FAM13A: variants seen among roughly 807,000 people sequenced by gnomAD.
The protein encoded by FAM13A is family with sequence similarity 13 member A, also known as protein FAM13A.
FAM13A carries 76 observed loss-of-function variants against 129.6 expected under a neutral mutation model. The observed-to-expected ratio is 0.59, with a 90% CI of 0.49 to 0.71. The LOEUF (loss-of-function observed/expected upper bound fraction) is 0.71, where lower values mean the gene tolerates loss of function less well. Ranked by LOEUF, FAM13A falls within the 30% of genes least tolerant of loss-of-function variation. The pLI is 0.00. For missense variants in FAM13A, 1,108 were observed against 1,249.3 expected, an observed-to-expected ratio of 0.89 and a Z score of 1.70; for synonymous variants, 443 against 449.9, an observed-to-expected ratio of 0.98 and a Z score of 0.20.
At chr4:88,847,973 A>G (rs1736958622) in intron 7 of FAM13A, among the ~76,000 whole-genome samples, 1 of 152,052 alleles carries the variant, frequency 6.6e-6, no homozygotes, top group Non-Finnish European at 1.5e-5. Flanking sequence ...AAAATTACAT[A>G]AACCACAAAC....
At chr4:88,995,222 T>C (rs1763401829) in intron 3 of FAM13A, among the ~76,000 whole-genome samples, 2 of 150,334 alleles carry the variant, frequency 1.3e-5, no homozygotes, top group South Asian at 2.1e-4. Flanking sequence ...ACACACTTTC[T>C]ATGTGTCTAA....
intron 3 of FAM13A, among the ~76,000 whole-genome samples, chr4:88,996,034 A>G (rs1237567986): frequency 6.6e-6 from 1 of 152,188 alleles, no homozygotes; most frequent in African/African-American, 2.4e-5. Flanking sequence ...CAGAGCTGAA[A>G]TAAATAAGGA....
intron 6 of FAM13A, among the ~76,000 whole-genome samples, chr4:88,872,084 C>G (rs1489526119): frequency 1.3e-5 from 2 of 152,156 alleles, no homozygotes; most frequent in South Asian, 2.1e-4. Context: ...ACTCTACAGA[C>G]AAGCAAAGGC....
At chr4:88,963,276 T>C (rs1376940536) in intron 4 of FAM13A, among the ~76,000 whole-genome samples, 2 of 152,028 alleles carry the variant, frequency 1.3e-5, no homozygotes, top group African/African-American at 2.4e-5. Context: ...CAAAGAGAGA[T>C]TACTAAGAGT....
At chr4:88,831,191 TG>T (rs1275486262) in intron 7 of FAM13A, among the ~76,000 whole-genome samples, 7 of 152,318 alleles carry the variant, frequency 4.6e-5, no homozygotes, top group African/African-American at 1.7e-4. Flanking sequence ...TTTCCTGGAA[TG>T]GGACTCTCTG....
intron 4 of FAM13A, among the ~76,000 whole-genome samples, chr4:88,944,878 C>T (rs1000143350): frequency 6.0e-5 from 9 of 149,634 alleles, no homozygotes; most frequent in South Asian, 2.1e-4. Flanking sequence ...ACTCCAGCCT[C>T]GGCAACAAGA....
intron 1 of FAM13A, among the ~76,000 whole-genome samples, chr4:89,043,201 T>A (rs1479993959): frequency 6.6e-6 from 1 of 152,152 alleles, no homozygotes; most frequent in Non-Finnish European, 1.5e-5. Context: ...CTCAGCTGAT[T>A]AGAGAAGAGG....
chr4:88,879,709 G>A (rs1743206635), intron 6 of FAM13A, among the ~76,000 whole-genome samples: 1 of 152,156 alleles, frequency 6.6e-6, no homozygotes, highest in South Asian at 2.1e-4. Context: ...TTACTGCAAG[G>A]TCCTACAGAA....
chr4:88,876,726 G>C (rs1233726241), intron 6 of FAM13A, among the ~76,000 whole-genome samples: 1 of 152,002 alleles, frequency 6.6e-6, no homozygotes, highest in Non-Finnish European at 1.5e-5. Flanking sequence ...CAAGTAGCTG[G>C]GACTACAGGT....
In FAM13A at chr4:88,758,832, C is replaced by T. The variant is rs200908169; in HGVS notation, c.1648G>A (p.Gly550Ser). 5.8e-5 allele frequency: 93 copies of T among 1,614,010 alleles called. 1 individual carries two copies. In the East Asian group the frequency reaches 1.7e-3, roughly 29 times the overall value. ...DTKQQRNQDA[G>S]DQEESFVSEV... is the part of the protein sequence containing the mutation. ...GAGACAAAGCTCTCCTCCTGGTCAC[C>T]GGCATCTTGATTTCTCTGCTGTTTG... Residue 550 changes from glycine (G) to serine (S), a missense_variant, in exon 14 of 24, where the codon GGT (glycine) becomes AGT (serine). By Grantham distance (56) the Gly-to-Ser change is moderately conservative. Transcript: ENST00000264344.
At chr4:88,807,800 C>A (rs1016653339) in intron 7 of FAM13A, among the ~76,000 whole-genome samples, 2 of 152,174 alleles carry the variant, frequency 1.3e-5, no homozygotes, top group African/African-American at 4.8e-5. Context: ...TCAAGAATGT[C>A]TCTTGATAGA....
intron 10 of FAM13A, among the ~76,000 whole-genome samples, chr4:88,785,285 C>G (rs1261954248): frequency 1.3e-5 from 2 of 152,044 alleles, no homozygotes; most frequent in Non-Finnish European, 2.9e-5. Flanking sequence ...ATATTACAGC[C>G]TAGCTTAATT....
intron 6 of FAM13A, among the ~76,000 whole-genome samples, chr4:88,874,695 T>C (rs994431606): frequency 2.0e-5 from 3 of 152,076 alleles, no homozygotes; most frequent in African/African-American, 4.8e-5. Flanking sequence ...GAATCAATAT[T>C]GTGAAAATGG....
At chr4:88,935,737 T>C (rs1018925332) in intron 5 of FAM13A, among the ~76,000 whole-genome samples, 3 of 152,234 alleles carry the variant, frequency 2.0e-5, no homozygotes, top group African/African-American at 4.8e-5. Flanking sequence ...TTGTCAATGT[T>C]TACATATCTA....
At chr4:88,767,038 A>G (rs1745822437) in intron 13 of FAM13A, among the ~76,000 whole-genome samples, 1 of 152,206 alleles carries the variant, frequency 6.6e-6, no homozygotes, top group Middle Eastern at 3.2e-3. Flanking sequence ...AGGTCAGGAA[A>G]GTAAATGAAA....
At chr4:88,843,361 T>C (rs932456527) in intron 7 of FAM13A, among the ~76,000 whole-genome samples, 1 of 152,236 alleles carries the variant, frequency 6.6e-6, no homozygotes, top group Non-Finnish European at 1.5e-5. Context: ...TTTCAAATTA[T>C]ATTGTACACG....
intron 6 of FAM13A, among the ~76,000 whole-genome samples, chr4:88,885,362 C>T (rs1362106411): frequency 1.3e-5 from 2 of 152,074 alleles, no homozygotes; most frequent in East Asian, 1.9e-4. Context: ...ATGCCAAATA[C>T]AGCCAATGGA....
Position 89,020,564 on chromosome 4 carries a change from C to T in FAM13A, c.323G>A (p.Gly108Asp), listed in dbSNP as rs1262142866. The T allele has an allele frequency of 6.2e-7, 1 of 1,613,938 alleles. No individual in the cohort carries two copies. The highest frequency in any genetic ancestry group is 1.3e-5 in the African/African-American group (1 of 74,902). ...CAGACTGGCTGCTGAGCAGACATCA[C>T]CGTCCTTCCCGAGCTCCACGGGCAC... is the stretch of plus-strand genomic sequence containing the variant. ...SGVPVELGKD[G>D]DVCSAASLLK... The change falls in exon 3 of 24, where the codon GGT (glycine) becomes GAT (aspartate). Residue 108 changes from glycine to aspartate, a missense_variant. This residue lies in a region of FAM13A where 566 missense variants were observed against 595.7 expected (regional missense o/e 0.95). Transcript: ENST00000264344.
At chr4:89,009,804 G>A (rs557098580) in intron 3 of FAM13A, among the ~76,000 whole-genome samples, 3 of 152,294 alleles carry the variant, frequency 2.0e-5, no homozygotes, top group Admixed American at 2.0e-4. Context: ...AAGACCAAAG[G>A]AGTCCTAGTC....
Sources: gnomAD v4.1 joint callset for allele counts (sites outside exome capture counted in the v4.1 genomes callset) on GRCh38, gnomAD v4.1.1 for gene constraint, gnomAD v4.1.1 regional missense constraint, MANE v1.5 for transcripts, NCBI Gene and HGNC (gene_info 2026-07-23, HGNC 2026-07-21) for gene names.